The following PARD3 variants were observed in gnomAD, a reference collection of about 807,000 sequenced individuals.
The protein encoded by PARD3 is par-3 family cell polarity regulator.
Under a neutral mutation model 155.4 loss-of-function variants are expected in PARD3, and 75 were observed. The observed-to-expected ratio is 0.48, with a 90% CI of 0.40 to 0.58. PARD3 has a LOEUF of 0.58. PARD3 is among the 20% of genes least tolerant of loss of function. The pLI is 0.00. For synonymous variants in PARD3, 576 were observed against 610.5 expected (o/e 0.94, Z 0.83); for missense variants, 1,642 against 1,721.7 (o/e 0.95, Z 0.82).
chr10:34,582,654 A>C (rs1248339164), intron 2 of PARD3, among the ~76,000 whole-genome samples: 1 of 152,224 alleles, frequency 6.6e-6, no homozygotes, highest in Non-Finnish European at 1.5e-5. Flanking sequence ...AAGCATTCTC[A>C]CTATTGATGT....
At chr10:34,798,327 C>G (rs1269189617) in intron 1 of PARD3, among the ~76,000 whole-genome samples, 3 of 150,918 alleles carry the variant, frequency 2.0e-5, no homozygotes, top group Non-Finnish European at 4.4e-5. Context: ...AAGTGCAAAA[C>G]CCTGTCCCGT....
At chr10:34,414,266 C>T (rs895124699) in intron 5 of PARD3, among the ~76,000 whole-genome samples, 4 of 151,612 alleles carry the variant, frequency 2.6e-5, no homozygotes, top group African/African-American at 9.7e-5. Context: ...CATCAAGGTA[C>T]AAAGTACAAA....
At chr10:34,646,808 T>C (rs1196601920) in intron 2 of PARD3, among the ~76,000 whole-genome samples, 3 of 152,206 alleles carry the variant, frequency 2.0e-5, no homozygotes, top group Non-Finnish European at 4.4e-5. Context: ...CCCAAGCAGC[T>C]GGGACCCACA....
intron 22 of PARD3, among the ~76,000 whole-genome samples, chr10:34,268,133 C>T (rs1040277817): frequency 2.4e-4 from 27 of 112,708 alleles, no homozygotes; most frequent in African/African-American, 9.3e-4. Flanking sequence ...AATGAAAGAG[C>T]GGGAAAAGAT....
chr10:34,513,193 T>G lies in PARD3; in HGVS notation c.403+3786A>C, dbSNP rs2133579622. Among the ~76,000 whole-genome samples, 2 of 152,302 alleles carry G rather than the reference T, an allele frequency of 1.3e-5. 1 individual carries two copies. Among genetic ancestry groups the G allele is most frequent in the Middle Eastern group, 6.8e-3 (2 of 294 alleles). Reference sequence around the variant, plus strand: ...ATAATTGTGTAAAAGATAATATAGTTCCAACCTCAAATATACAGAAGGAAA... The same window carrying G: ...ATAATTGTGTAAAAGATAATATAGTGCCAACCTCAAATATACAGAAGGAAA... On this transcript the variant is annotated intron_variant, in intron 3 of 24. Coordinates refer to ENST00000374788, the MANE Select transcript of PARD3 (RefSeq NM_001184785.2).
chr10:34,411,543 T>C (rs1029875015), intron 5 of PARD3, among the ~76,000 whole-genome samples: 1 of 152,144 alleles, frequency 6.6e-6, no homozygotes, highest in Non-Finnish European at 1.5e-5. Context: ...TTCTTGCCTT[T>C]GGACTGAAGT....
chr10:34,741,551 G>A (rs762901087), intron 1 of PARD3, among the ~76,000 whole-genome samples: 1 of 152,142 alleles, frequency 6.6e-6, no homozygotes, highest in African/African-American at 2.4e-5. Flanking sequence ...TCATTTAGGT[G>A]GGGTTTTTAG....
intron 1 of PARD3, among the ~76,000 whole-genome samples, chr10:34,708,610 T>C (rs10827395): frequency 0.26 from 39,019 of 152,088 alleles, 6,395 homozygotes; most frequent in East Asian, 0.52. Context: ...AAAAACAACG[T>C]AGCAAATGTA....
rs376090062 is a variant in PARD3 at position 34,613,973 on chromosome 10, T to A, written c.222+82345A>T. 1.2e-4 allele frequency among the ~76,000 whole-genome samples: 19 copies of A among 152,300 alleles called. No homozygotes were observed. In the South Asian group the frequency reaches 3.9e-3, roughly 32 times the overall value. ...ATAAAACTATAGCAAACATTAAGAA[T>A]GTACTACCTAGGCTATCCTTATAGG... On this transcript the variant is annotated intron_variant, in intron 2 of 24. Transcript: ENST00000374788.
At chr10:34,576,197 T>C (rs2086874087) in intron 2 of PARD3, among the ~76,000 whole-genome samples, 1 of 152,188 alleles carries the variant, frequency 6.6e-6, no homozygotes. Context: ...AAAGACACTA[T>C]GCTTAAATAT....
chr10:34,175,186 A>G (rs1200619197), intron 22 of PARD3, among the ~76,000 whole-genome samples: 1 of 152,234 alleles, frequency 6.6e-6, no homozygotes, highest in Non-Finnish European at 1.5e-5. Flanking sequence ...TTGCCTTTAT[A>G]TACACAAAAC....
At chr10:34,635,864 A>G (rs2092450313) in intron 2 of PARD3, among the ~76,000 whole-genome samples, 1 of 152,138 alleles carries the variant, frequency 6.6e-6, no homozygotes, top group African/African-American at 2.4e-5. Flanking sequence ...AGGTTCTGGA[A>G]CTACTTAAGG....
At chr10:34,731,576 C>A (rs970950331) in intron 1 of PARD3, among the ~76,000 whole-genome samples, 1 of 152,110 alleles carries the variant, frequency 6.6e-6, no homozygotes, top group Non-Finnish European at 1.5e-5. Flanking sequence ...TACTTATTTG[C>A]CATTAAAATC....
intron 22 of PARD3, among the ~76,000 whole-genome samples, chr10:34,239,289 G>C (rs1429260873): frequency 1.3e-5 from 2 of 152,348 alleles, no homozygotes; most frequent in East Asian, 3.9e-4. Flanking sequence ...AACAGCTCTA[G>C]GCACGGTGGC....
intron 1 of PARD3, among the ~76,000 whole-genome samples, chr10:34,758,508 T>C (rs1329645953): frequency 6.6e-6 from 1 of 152,174 alleles, no homozygotes; most frequent in Non-Finnish European, 1.5e-5. Context: ...GGCAAGTGAA[T>C]TGTCACTGGG....
chr10:34,414,741 T>TA (rs1243538777), intron 5 of PARD3, among the ~76,000 whole-genome samples: 1 of 152,038 alleles, frequency 6.6e-6, no homozygotes, highest in Non-Finnish European at 1.5e-5. Flanking sequence ...CCCAAGGTGA[T>TA]AGACATGCCC....
chr10:34,658,971 A>G (rs2093254599), intron 2 of PARD3, among the ~76,000 whole-genome samples: 1 of 152,212 alleles, frequency 6.6e-6, no homozygotes, highest in African/African-American at 2.4e-5. Context: ...AAATTTATAT[A>G]TATTATTTTC....
At chr10:34,279,079 G>A (rs975182841) in intron 21 of PARD3, among the ~76,000 whole-genome samples, 4 of 149,928 alleles carry the variant, frequency 2.7e-5, no homozygotes, top group South Asian at 4.2e-4. Context: ...CAATAAAATC[G>A]GTTTCAGATA....
intron 1 of PARD3, among the ~76,000 whole-genome samples, chr10:34,747,532 TATCTC>T (rs1315284440): frequency 6.6e-6 from 1 of 152,250 alleles, no homozygotes; most frequent in African/African-American, 2.4e-5. Flanking sequence ...ACTGACATCT[TATCTC>T]AACTAAAAAT....
Sources: gnomAD v4.1 joint callset for allele counts (sites outside exome capture counted in the v4.1 genomes callset) on GRCh38, gnomAD v4.1.1 for gene constraint, MANE v1.5 for transcripts, NCBI Gene and HGNC (gene_info 2026-07-23, HGNC 2026-07-21) for gene names.